Variants in APBA2 observed in about 807,000 individuals in gnomAD.
The protein encoded by APBA2 is amyloid beta precursor protein binding family A member 2.
APBA2 carries 30 observed loss-of-function variants against 75.0 expected under a neutral mutation model. The observed-to-expected ratio is 0.40, with a 90% confidence interval of 0.30 to 0.54. The LOEUF (loss-of-function observed/expected upper bound fraction) is 0.54. Among genes scored for constraint, APBA2 ranks in the 20% least tolerant of loss-of-function variants. The pLI, the probability that APBA2 is intolerant of heterozygous loss-of-function variation, is 0.49. For missense variants in APBA2, 801 were observed against 1,016.1 expected (o/e 0.79, Z 2.88); for synonymous variants, 444 against 409.6 (o/e 1.08, Z -1.01).
chr15:28,961,649 G>A (rs77741641), intron 2 of APBA2: 2,882 of 152,294 alleles, frequency 0.019, 168 homozygotes, highest in East Asian at 0.16. Flanking sequence ...GCGGCCGGGC[G>A]GGTGACTGAG....
At chr15:28,889,012 G>C (rs2031949944) in intron 1 of APBA2, among the ~76,000 whole-genome samples, 2 of 152,164 alleles carry the variant, frequency 1.3e-5, no homozygotes, top group South Asian at 4.1e-4. Context: ...TGTGTGCCCA[G>C]CGGGGGCTGG....
chr15:28,900,971 C>G (rs1484646002), intron 1 of APBA2, among the ~76,000 whole-genome samples: 2 of 152,232 alleles, frequency 1.3e-5, no homozygotes, highest in Admixed American at 1.3e-4. Flanking sequence ...CCTGGCACAG[C>G]ACCTGGAACT....
At chr15:29,023,376 A>G (rs1433141272) in intron 3 of APBA2, among the ~76,000 whole-genome samples, 3 of 144,654 alleles carry the variant, frequency 2.1e-5, no homozygotes, top group Admixed American at 7.0e-5. Flanking sequence ...TTCTTGGTCT[A>G]CCTTTTAAGG....
intron 2 of APBA2, among the ~76,000 whole-genome samples, chr15:28,992,772 TG>T (rs2038302909): frequency 6.6e-6 from 1 of 152,206 alleles, no homozygotes. Flanking sequence ...TGTGTCCCTC[TG>T]GGCTGCAGGG....
At chr15:28,886,822 T>C (rs150181439) in intron 1 of APBA2, among the ~76,000 whole-genome samples, 74,300 of 152,150 alleles carry the variant, frequency 0.49, 18,665 homozygotes, top group African/African-American at 0.58. Context: ...ACCCCGTTGC[T>C]CCTGGGCTGC....
At chr15:29,053,781 G>T in intron 3 of APBA2, 64 bp from the exon 4 acceptor site, 2 of 1,002,964 alleles carry the variant, frequency 2.0e-6, no homozygotes, top group Non-Finnish European at 1.5e-6. Context: ...TGGTGAAGTG[G>T]CCCCACACAT....
intron 1 of APBA2, among the ~76,000 whole-genome samples, chr15:28,905,029 G>C (rs1391736305): frequency 1.3e-5 from 2 of 152,182 alleles, no homozygotes; most frequent in Admixed American, 6.5e-5. Flanking sequence ...TTTTGCTGGT[G>C]ATCTGGCAAG....
In APBA2 at chr15:29,105,502, C is replaced by A. The variant is rs750580467; in HGVS notation, c.1648C>A (p.Gln550Lys). The A allele has an allele frequency of 6.2e-7, 1 of 1,613,954 alleles. No individual in the cohort carries two copies. The highest frequency in any genetic ancestry group is 1.1e-5 in the South Asian group (1 of 91,078). ...GGAATACAGCGACATCATCAACACC[C>A]AGGAGATGTACAACGACGACCTCAT... ...QKEYSDIINT[Q>K]EMYNDDLIHF... Residue 550 changes from glutamine to lysine, a missense_variant, in exon 11 of 15, where the codon CAG (glutamine) becomes AAG (lysine). By Grantham distance (53) the Gln-to-Lys change is moderately conservative. Coordinates refer to ENST00000683413, the MANE Select transcript of APBA2 (RefSeq NM_001353788.2).
At chr15:29,041,220 C>G (rs1186284523) in intron 3 of APBA2, among the ~76,000 whole-genome samples, 1 of 151,968 alleles carries the variant, frequency 6.6e-6, no homozygotes, top group Non-Finnish European at 1.5e-5. Context: ...TGCCTGTAGT[C>G]TCAGCACTTT....
intron 13 of APBA2, among the ~76,000 whole-genome samples, chr15:29,110,927 G>A (rs2044693807): frequency 6.6e-6 from 1 of 152,130 alleles, no homozygotes. Context: ...GCCTTCTGGG[G>A]CAGGTGCAGA....
chr15:28,941,502 CAAAAAAAAAAAAA>C lies in APBA2; in HGVS notation c.-95+19764_-95+19776del, dbSNP rs72376564. Among the ~76,000 whole-genome samples, 4 of 59,828 alleles carry C rather than the reference CAAAAAAAAAAAAA, an allele frequency of 6.7e-5. No homozygotes were observed. The South Asian group carries it at 1.9e-3, about 28-fold the overall frequency. 39.2% of individuals were successfully genotyped at this position (59,828 alleles called of 152,430 possible). A position where few individuals can be genotyped will look rare whatever the true frequency, so the allele number is the denominator to read the frequency against. On this transcript the variant is annotated intron_variant, in intron 2 of 14. Transcript: ENST00000683413. Reference sequence around the variant, plus strand: ...ACTCTTCAGTTAATAACTTGGGAGGCAAAAAAAAAAAAAAAAAAAAAAAGAGGTGGAAGCACAA... The same window carrying C: ...ACTCTTCAGTTAATAACTTGGGAGGCAAAAAAAAAAGAGGTGGAAGCACAA...
At chr15:28,988,991 G>T (rs542079952) in intron 2 of APBA2, among the ~76,000 whole-genome samples, 1 of 152,148 alleles carries the variant, frequency 6.6e-6, no homozygotes, top group South Asian at 2.1e-4. Context: ...TGTCTAATGC[G>T]TGAAAGTGCT....
intron 6 of APBA2, among the ~76,000 whole-genome samples, chr15:29,090,285 C>T (rs1156992095): frequency 6.6e-6 from 1 of 152,224 alleles, no homozygotes; most frequent in Admixed American, 6.5e-5. Context: ...AGTGGTGACC[C>T]CCTGCCTGGG....
At chr15:29,075,447 C>G (rs78461436) in intron 5 of APBA2, among the ~76,000 whole-genome samples, 4,272 of 152,156 alleles carry the variant, frequency 0.028, 118 homozygotes, top group Middle Eastern at 0.068. Context: ...TGGCCTCAAC[C>G]CACTAGATCC....
At chr15:29,107,189 CCT>C (rs1222073464) in intron 12 of APBA2, among the ~76,000 whole-genome samples, 1 of 152,164 alleles carries the variant, frequency 6.6e-6, no homozygotes, top group Non-Finnish European at 1.5e-5. Context: ...TGGGAAACCC[CCT>C]CAGTGCTGGT....
At chr15:29,038,152 C>T (rs1280660036) in intron 3 of APBA2, among the ~76,000 whole-genome samples, 1 of 152,176 alleles carries the variant, frequency 6.6e-6, no homozygotes, top group South Asian at 2.1e-4. Context: ...TGCTTGCCAG[C>T]TCTGTGCTTT....
At chr15:29,015,645 T>A (rs2039620816) in intron 3 of APBA2, among the ~76,000 whole-genome samples, 2 of 152,240 alleles carry the variant, frequency 1.3e-5, no homozygotes, top group Non-Finnish European at 2.9e-5. Context: ...GATAAAGTGT[T>A]CGTCAGGCAC....
At chr15:29,079,051 G>C (rs952592333) in intron 6 of APBA2, among the ~76,000 whole-genome samples, 2 of 152,186 alleles carry the variant, frequency 1.3e-5, no homozygotes, top group African/African-American at 4.8e-5. Flanking sequence ...TGCTTGCGGG[G>C]CAGGGCATCC....
intron 1 of APBA2, among the ~76,000 whole-genome samples, chr15:28,890,187 G>T (rs1259624061): frequency 6.6e-6 from 1 of 152,216 alleles, no homozygotes; most frequent in Non-Finnish European, 1.5e-5. Context: ...GGGCAGTCAG[G>T]AAAGAGCTGT....
Sources: allele counts gnomAD v4.1 joint callset (sites outside exome capture counted in the v4.1 genomes callset), GRCh38; gene constraint gnomAD v4.1.1; transcripts MANE v1.5; gene names NCBI Gene and HGNC (gene_info 2026-07-23, HGNC 2026-07-21).